The following CDC37 variants were observed in gnomAD, a reference collection of about 807,000 sequenced individuals.
CDC37 encodes hsp90 co-chaperone Cdc37.
In CDC37, 9 loss-of-function variants were observed where a neutral mutation model predicts 46.9. The ratio of observed to expected loss-of-function variants is 0.19; its 90% CI spans 0.12 to 0.33. CDC37 has a LOEUF of 0.33. Among genes scored for constraint, CDC37 ranks in the 10% least tolerant of loss-of-function variants. CDC37 has a pLI of 1.00. For missense variants in CDC37, 388 were observed against 514.6 expected, an observed-to-expected ratio of 0.75 and a Z score of 2.38; for synonymous variants, 193 against 191.0, an observed-to-expected ratio of 1.01 and a Z score of -0.09.
intron 1 of CDC37, among the ~76,000 whole-genome samples, chr19:10,401,767 T>C (rs1340827269): frequency 1.3e-5 from 2 of 152,026 alleles, no homozygotes; most frequent in Non-Finnish European, 2.9e-5. Context: ...GACCTTCTAG[T>C]TGTTTCTGGA....
intron 1 of CDC37, among the ~76,000 whole-genome samples, chr19:10,400,085 G>A (rs1382071957): frequency 1.3e-5 from 2 of 152,084 alleles, no homozygotes; most frequent in Non-Finnish European, 2.9e-5. Context: ...AACTGCCAGG[G>A]AGGCCGCAGC....
chr19:10,395,412 C>G lies in CDC37; in HGVS notation c.487+23G>C, dbSNP rs367995641. ...AAGGGCCTGCCTCGACCTTGCCCCC[C>G]ATAACCCACAAGCCCCACTCACCAA... On this transcript the variant is annotated intron_variant, in intron 3 of 7. Coordinates refer to ENST00000222005, the MANE Select transcript of CDC37 (RefSeq NM_007065.4). 3.7e-6 allele frequency: 6 copies of G among 1,608,812 alleles called. No individual in the cohort carries two copies. The South Asian group carries it at 5.5e-5, about 15-fold the overall frequency.
rs531562148 is a variant in CDC37 at position 10,396,736 on chromosome 19, A to G, written c.103-533T>C. Among the ~76,000 whole-genome samples, 3 of 151,866 alleles carry G rather than the reference A, an allele frequency of 2.0e-5. No individual in the cohort carries two copies. The highest frequency in any genetic ancestry group is 1.3e-4 in the Admixed American group (2 of 15,250). On this transcript the variant is annotated intron_variant, in intron 1 of 7. Transcript: ENST00000222005. This position sits in a 1 kb window ranked among gnomAD's most constrained non-coding sequence, Gnocchi z 5.9. Reference sequence around the variant, plus strand: ...CAGGTGTGCACCAGCACGCCCAGCTAATTTTTGTATTTTCAGTAAAGATGG... The same window carrying G: ...CAGGTGTGCACCAGCACGCCCAGCTGATTTTTGTATTTTCAGTAAAGATGG...
rs183349124 is a variant in CDC37 at position 10,397,174 on chromosome 19, G to A, written c.103-971C>T. ...AGCCCTGCTCTCTAAATATGGGAAC[G>A]TGTTCGCCATTTTGTTCCCAGAACC... On this transcript the variant is annotated intron_variant, in intron 1 of 7. Transcript: ENST00000222005. 2.7e-3 allele frequency among the ~76,000 whole-genome samples: 407 copies of A among 152,202 alleles called. 4 individuals carry two copies. Among genetic ancestry groups the A allele is most frequent in the Middle Eastern group, 6.8e-3 (2 of 294 alleles).
In CDC37 at chr19:10,393,098, C is replaced by T; in HGVS notation, c.969G>A (p.Lys323=). The T allele has an allele frequency of 6.2e-7, 1 of 1,614,080 alleles. No homozygotes were observed. Among genetic ancestry groups the T allele is most frequent in the Non-Finnish European group, 8.5e-7 (1 of 1,179,994 alleles). ...GGGGGTTACTCACGGTGGGGTCCATCTTGCTGATGGCGTCCTGCAGCATCT... is the reference window on the plus strand; with the variant it reads ...GGGGGTTACTCACGGTGGGGTCCATTTTGCTGATGGCGTCCTGCAGCATCT... ...DVQMLQDAIS[K]MDPTDAKYHM... Residue 323 remains lysine (K), a synonymous_variant, in exon 7 of 8, where the codon AAG becomes AAA. Coordinates refer to ENST00000222005, the MANE Select transcript of CDC37 (RefSeq NM_007065.4). The surrounding 1 kb of genome is among the most constrained non-coding windows in gnomAD (Gnocchi z 4.9).
chr19:10,402,769 C>T (rs1427802870), intron 1 of CDC37, among the ~76,000 whole-genome samples: 2 of 151,924 alleles, frequency 1.3e-5, no homozygotes, highest in African/African-American at 2.4e-5. Context: ...TGAAGGGGGA[C>T]GGTTCTACAC....
intron 5 of CDC37, 62 bp downstream of exon 5, chr19:10,394,959 G>A: frequency 6.7e-7 from 1 of 1,498,934 alleles, no homozygotes; most frequent in Non-Finnish European, 8.9e-7. Flanking sequence ...CTTACCTAGA[G>A]CATTGTGGGC....
In CDC37 at chr19:10,393,534, G is replaced by GC; in HGVS notation, c.727-94dup. On this transcript the variant is annotated intron_variant, in intron 5 of 7. Transcript: ENST00000222005. The surrounding 1 kb of genome is among the most constrained non-coding windows in gnomAD (Gnocchi z 4.9). ...CCTCCAGCCACAGCTCCTCAGAGGCGCCCCACGGTTCCCCAAGTCTATTCC... is the reference window on the plus strand; with the variant it reads ...CCTCCAGCCACAGCTCCTCAGAGGCGCCCCCACGGTTCCCCAAGTCTATTCC... 1 of 1,318,396 alleles carries GC rather than the reference G, an allele frequency of 7.6e-7. No individual in the cohort carries two copies. Among genetic ancestry groups the GC allele is most frequent in the Admixed American group, 2.4e-5 (1 of 41,810 alleles). 81.7% of individuals were successfully genotyped at this position (1,318,396 alleles called of 1,614,324 possible). A position where few individuals can be genotyped will look rare whatever the true frequency, so the allele number is the denominator to read the frequency against.
chr19:10,397,396 C>T (rs1010489800), intron 1 of CDC37, among the ~76,000 whole-genome samples: 1 of 147,120 alleles, frequency 6.8e-6, no homozygotes, highest in Non-Finnish European at 1.5e-5. Context: ...TACAGGTGCA[C>T]ACAAACCACC....
chr19:10,395,898 C>T (rs1187664595), intron 2 of CDC37, 30 bp downstream of exon 2: 4 of 1,597,678 alleles, frequency 2.5e-6, no homozygotes, highest in Middle Eastern at 1.7e-4. Context: ...GCTGCGCATG[C>T]GCACTGCCCG....
intron 1 of CDC37, among the ~76,000 whole-genome samples, chr19:10,399,845 T>C (rs1298288636): frequency 6.8e-6 from 1 of 147,620 alleles, no homozygotes; most frequent in African/African-American, 2.5e-5. Context: ...GGCAGGAGAA[T>C]TGCTTGAACC....
chr19:10,401,136 A>G (rs1288603201), intron 1 of CDC37, among the ~76,000 whole-genome samples: 4 of 152,140 alleles, frequency 2.6e-5, no homozygotes. Flanking sequence ...ACCTGCCCCA[A>G]GTTTTCCTGA....
intron 1 of CDC37, among the ~76,000 whole-genome samples, chr19:10,402,047 C>G (rs1462302448): frequency 6.6e-6 from 1 of 150,732 alleles, no homozygotes; most frequent in African/African-American, 2.4e-5. Flanking sequence ...ATCCCAGCTA[C>G]TCAGGAGGCT....
At chr19:10,402,462 G>C (rs2042524482) in intron 1 of CDC37, among the ~76,000 whole-genome samples, 2 of 152,136 alleles carry the variant, frequency 1.3e-5, no homozygotes, top group African/African-American at 4.8e-5. Context: ...ACAAAAGGTG[G>C]GGTGGGTTTG....
At position 10,393,624 on chromosome 19, in the gene CDC37, C is replaced by T. The variant is rs994765958; in HGVS notation, c.727-183G>A. ...GCCGGGGACCTCATCTGGCATTTGC[C>T]AAAGACCACCTGCTTGGGAGCCCTG... On this transcript the variant is annotated intron_variant, in intron 5 of 7. Coordinates refer to ENST00000222005, the MANE Select transcript of CDC37 (RefSeq NM_007065.4). The surrounding 1 kb of genome is among the most constrained non-coding windows in gnomAD (Gnocchi z 4.9). 4.4e-5 allele frequency: 26 copies of T among 596,352 alleles called. No individual in the cohort carries two copies. The highest frequency in any genetic ancestry group is 6.0e-5 in the Non-Finnish European group (21 of 348,218). 36.9% of individuals were successfully genotyped at this position (596,352 alleles called of 1,614,324 possible).
chr19:10,402,157 C>CAAAA (rs753021871), intron 1 of CDC37, among the ~76,000 whole-genome samples: 81 of 63,828 alleles, frequency 1.3e-3, no homozygotes, highest in African/African-American at 5.2e-3. Context: ...AACTTCGTCT[C>CAAAA]AAAAAAAAAA....
chr19:10,395,704 C>A, intron 2 of CDC37, 161 bp from the exon 3 acceptor site: 1 of 778,704 alleles, frequency 1.3e-6, no homozygotes, highest in Non-Finnish European at 2.1e-6. Flanking sequence ...GGCCTTGGGG[C>A]AGATCAGAGG....
intron 2 of CDC37, 62 bp downstream of exon 2, chr19:10,395,866 C>A (rs2042488060): frequency 2.6e-6 from 4 of 1,566,882 alleles, no homozygotes; most frequent in South Asian, 2.4e-5. Flanking sequence ...GGTGCGCATG[C>A]GTCCTGGTTG....
chr19:10,392,794 C>A (rs941850680), intron 7 of CDC37: 32 of 492,824 alleles, frequency 6.5e-5, no homozygotes, highest in Non-Finnish European at 1.0e-4. Flanking sequence ...ATTTTGTGAG[C>A]TGATATTGAG....
Sources: allele counts gnomAD v4.1 joint callset (sites outside exome capture counted in the v4.1 genomes callset), GRCh38; gene constraint gnomAD v4.1.1; non-coding constraint Gnocchi (gnomAD v3.1); transcripts MANE v1.5; gene names NCBI Gene and HGNC (gene_info 2026-07-23, HGNC 2026-07-21).